The following IL1RAPL2 variants were observed in gnomAD, a reference collection of about 807,000 sequenced individuals.
IL1RAPL2 encodes interleukin 1 receptor accessory protein like 2.
In IL1RAPL2, 3 loss-of-function variants were observed where a neutral mutation model predicts 44.1. The observed-to-expected ratio is 0.07, with a 90% CI of 0.03 to 0.18. The LOEUF (loss-of-function observed/expected upper bound fraction) is 0.18. IL1RAPL2 is among the 10% of genes least tolerant of loss of function. The probability of loss-of-function intolerance (pLI) is 1.00; values close to 1 mark genes in which losing one functional copy is unlikely to be tolerated. For synonymous variants in IL1RAPL2, 181 were observed against 178.8 expected (o/e 1.01, Z -0.10); for missense variants, 391 against 496.4 (o/e 0.79, Z 2.02).
chrX:104,835,074 A>T (rs765615930), intron 2 of IL1RAPL2, among the ~76,000 whole-genome samples: 2 of 112,054 alleles, frequency 1.8e-5, no homozygotes, highest in Non-Finnish European at 3.8e-5. Flanking sequence ...TTGATCATTG[A>T]TCACATTAGC....
intron 6 of IL1RAPL2, among the ~76,000 whole-genome samples, chrX:105,499,162 T>A (rs2036375936): frequency 9.0e-6 from 1 of 111,295 alleles, no homozygotes; most frequent in Non-Finnish European, 1.9e-5. Flanking sequence ...ATACAGATGA[T>A]CTTGGGAAAA....
At chrX:104,715,738 A>G (rs928907744) in intron 2 of IL1RAPL2, among the ~76,000 whole-genome samples, 2 of 110,327 alleles carry the variant, frequency 1.8e-5, no homozygotes, top group Non-Finnish European at 3.8e-5. Context: ...GGGAGGTGAA[A>G]GAGCTCTACA....
chrX:105,737,375 T>C (rs2038459341), intron 7 of IL1RAPL2, among the ~76,000 whole-genome samples: 1 of 111,178 alleles, frequency 9.0e-6, no homozygotes, highest in Non-Finnish European at 1.9e-5. Context: ...AAATAATATA[T>C]TTGCTAGAAA....
intron 5 of IL1RAPL2, among the ~76,000 whole-genome samples, chrX:105,322,855 G>A (rs2034906427): frequency 1.1e-5 from 1 of 93,342 alleles, no homozygotes; most frequent in Admixed American, 1.3e-4. Context: ...TTCACAGAAG[G>A]GATTATACAA....
intron 2 of IL1RAPL2, among the ~76,000 whole-genome samples, chrX:104,905,664 T>C (rs1460427884): frequency 9.0e-6 from 1 of 111,637 alleles, no homozygotes; most frequent in African/African-American, 3.3e-5. Flanking sequence ...CTGATCTATA[T>C]CTCTGTTTTG....
chrX:105,659,268 C>A (rs189956690), intron 6 of IL1RAPL2, among the ~76,000 whole-genome samples: 4 of 111,504 alleles, frequency 3.6e-5, no homozygotes, highest in South Asian at 7.6e-4. Flanking sequence ...ACCTTTCAGA[C>A]GGAGAATTCA....
intron 2 of IL1RAPL2, among the ~76,000 whole-genome samples, chrX:104,910,125 G>T (rs927151192): frequency 4.5e-5 from 5 of 112,108 alleles, no homozygotes; most frequent in Admixed American, 9.4e-5. Context: ...TCCAGGTGCC[G>T]TCCGTCACCC....
intron 5 of IL1RAPL2, among the ~76,000 whole-genome samples, chrX:105,296,249 C>T (rs986188802): frequency 2.7e-5 from 3 of 110,812 alleles, no homozygotes; most frequent in East Asian, 2.8e-4. Flanking sequence ...GCATTTTTCA[C>T]TCTACTATAC....
chrX:104,884,055 T>G (rs1202308441), intron 2 of IL1RAPL2, among the ~76,000 whole-genome samples: 1 of 110,429 alleles, frequency 9.1e-6, no homozygotes, highest in Non-Finnish European at 1.9e-5. Context: ...AATGCATCAG[T>G]AAGGGCCGCT....
intron 6 of IL1RAPL2, among the ~76,000 whole-genome samples, chrX:105,633,405 G>A (rs1316129777): frequency 9.0e-6 from 1 of 111,524 alleles, no homozygotes; most frequent in Non-Finnish European, 1.9e-5. Flanking sequence ...TCTTTGTTGA[G>A]TTTGTCTAAT....
At chrX:105,639,018 CAT>C (rs2037545407) in intron 6 of IL1RAPL2, among the ~76,000 whole-genome samples, 2 of 111,707 alleles carry the variant, frequency 1.8e-5, no homozygotes, top group Admixed American at 9.5e-5. Flanking sequence ...ATAATTTAGC[CAT>C]AGAGGAACTC....
At chrX:104,728,399 C>T (rs1221225420) in intron 2 of IL1RAPL2, among the ~76,000 whole-genome samples, 1 of 111,346 alleles carries the variant, frequency 9.0e-6, no homozygotes, top group Non-Finnish European at 1.9e-5. Flanking sequence ...AGAGGTACAT[C>T]TAAATAATGT....
intron 1 of IL1RAPL2, among the ~76,000 whole-genome samples, chrX:104,611,959 T>A (rs967873986): frequency 7.2e-5 from 8 of 111,234 alleles, no homozygotes; most frequent in African/African-American, 1.6e-4. Flanking sequence ...CAGACCATTT[T>A]AAAATGTTTC....
intron 6 of IL1RAPL2, among the ~76,000 whole-genome samples, chrX:105,510,574 G>A (rs751126089): frequency 8.9e-6 from 1 of 111,766 alleles, no homozygotes; most frequent in African/African-American, 3.2e-5. Flanking sequence ...CACCTTCACG[G>A]CAAAGGTGAA....
intron 2 of IL1RAPL2, among the ~76,000 whole-genome samples, chrX:104,793,601 T>A: frequency 1.8e-5 from 2 of 112,111 alleles, no homozygotes; most frequent in Non-Finnish European, 3.8e-5. Flanking sequence ...TGACTGCTAT[T>A]TGGGTAGGTG....
At chrX:104,724,217 G>A (rs1931741770) in intron 2 of IL1RAPL2, among the ~76,000 whole-genome samples, 1 of 111,375 alleles carries the variant, frequency 9.0e-6, no homozygotes, top group Admixed American at 9.6e-5. Context: ...TTAGTAAACT[G>A]ATAAATAGTC....
chrX:104,917,974 A>G (rs1311981974), intron 2 of IL1RAPL2, among the ~76,000 whole-genome samples: 1 of 111,582 alleles, frequency 9.0e-6, no homozygotes, highest in Non-Finnish European at 1.9e-5. Flanking sequence ...TTACTTTACC[A>G]GATATACTAA....
chrX:105,230,147 G>T (rs1444165752), intron 3 of IL1RAPL2, among the ~76,000 whole-genome samples: 2 of 111,766 alleles, frequency 1.8e-5, no homozygotes, highest in East Asian at 2.8e-4. Flanking sequence ...GACCTCCAAG[G>T]TTCTAGCCTC....
At chrX:105,244,072 C>G (rs2034199136) in intron 4 of IL1RAPL2, among the ~76,000 whole-genome samples, 2 of 111,466 alleles carry the variant, frequency 1.8e-5, no homozygotes, top group African/African-American at 6.5e-5. Flanking sequence ...AAATGCACTT[C>G]AGTGCATTGC....
Sources: allele counts gnomAD v4.1 joint callset (sites outside exome capture counted in the v4.1 genomes callset), GRCh38; gene constraint gnomAD v4.1.1; transcripts MANE v1.5; gene names NCBI Gene and HGNC (gene_info 2026-07-23, HGNC 2026-07-21).